FAM114A1: variants seen among roughly 807,000 people sequenced by gnomAD.
The protein encoded by FAM114A1 is family with sequence similarity 114 member A1.
In FAM114A1, 62 loss-of-function variants were observed where a neutral mutation model predicts 64.3. The ratio of observed to expected loss-of-function variants is 0.96; its 90% CI spans 0.79 to 1.19. The LOEUF is 1.19. FAM114A1 is among the 50% of genes most tolerant of loss of function. The pLI is 0.00. For synonymous variants in FAM114A1, 254 were observed against 251.1 expected, an observed-to-expected ratio of 1.01 and a Z score of -0.11; for missense variants, 645 against 676.3, an observed-to-expected ratio of 0.95 and a Z score of 0.51.
rs749204163 is a variant in FAM114A1 at position 38,944,068 on chromosome 4, C to CTTT, written c.*528_*530dup. ...TAAAAAATAGGAACATATTGTCATT[C>CTTT]TTTTTTTTTTTTTTTTTTTGAGACA... On this transcript the variant is annotated 3_prime_UTR_variant, in exon 15 of 15. Coordinates refer to ENST00000358869, the MANE Select transcript of FAM114A1 (RefSeq NM_138389.4). The CTTT allele has an allele frequency of 0.016, 1,936 of 122,128 alleles. 45 individuals carry two copies. Among genetic ancestry groups the CTTT allele is most frequent in the Non-Finnish European group, 0.018 (1,094 of 59,880 alleles). 7.6% of individuals were successfully genotyped at this position (122,128 alleles called of 1,614,324 possible). A position where few individuals can be genotyped will look rare whatever the true frequency, so the allele number is the denominator to read the frequency against.
At chr4:38,886,785 G>A (rs1273059724) in intron 3 of FAM114A1, among the ~76,000 whole-genome samples, 2 of 151,706 alleles carry the variant, frequency 1.3e-5, no homozygotes, top group African/African-American at 2.4e-5. Context: ...AAAATTAGCC[G>A]GGCATGGTGG....
intron 4 of FAM114A1, among the ~76,000 whole-genome samples, chr4:38,900,225 T>TAA (rs34215730): frequency 6.1e-5 from 9 of 146,934 alleles, no homozygotes; most frequent in African/African-American, 1.7e-4. Flanking sequence ...ACGATTATTT[T>TAA]AAAAAAAAAA....
intron 8 of FAM114A1, among the ~76,000 whole-genome samples, chr4:38,916,046 G>A (rs551383567): frequency 1.3e-5 from 2 of 152,244 alleles, no homozygotes; most frequent in Middle Eastern, 3.4e-3. Context: ...CCTTAGAATG[G>A]AGAAGTAGTT....
chr4:38,892,202 G>C (rs143188032), intron 4 of FAM114A1, among the ~76,000 whole-genome samples: 128 of 152,242 alleles, frequency 8.4e-4, no homozygotes, highest in African/African-American at 2.9e-3. Context: ...CGTCCCACTT[G>C]AATTTTTTTA....
chr4:38,911,844 C>CTT (rs771972308), intron 7 of FAM114A1, among the ~76,000 whole-genome samples: 4 of 115,188 alleles, frequency 3.5e-5, no homozygotes, highest in African/African-American at 6.5e-5. Flanking sequence ...TTTTTTTTTT[C>CTT]TTTTTTTTTC....
chr4:38,926,979 C>T (rs539903134), intron 9 of FAM114A1, among the ~76,000 whole-genome samples: 6 of 152,306 alleles, frequency 3.9e-5, no homozygotes, highest in Admixed American at 6.5e-5. Context: ...GTTGTGGCTT[C>T]GTCATGAGCA....
chr4:38,886,667 C>T (rs1715841367), intron 3 of FAM114A1, among the ~76,000 whole-genome samples: 1 of 151,700 alleles, frequency 6.6e-6, no homozygotes, highest in Admixed American at 6.6e-5. Context: ...GTGGCTCACA[C>T]CTGTAATTCC....
chr4:38,912,582 T>C (rs1034561963), intron 7 of FAM114A1, among the ~76,000 whole-genome samples: 6 of 151,742 alleles, frequency 4.0e-5, no homozygotes, highest in Non-Finnish European at 7.4e-5. Flanking sequence ...CAGGGTTTCA[T>C]CATATTGGCC....
At chr4:38,927,841 G>T (rs991410811) in intron 9 of FAM114A1, among the ~76,000 whole-genome samples, 2 of 151,978 alleles carry the variant, frequency 1.3e-5, no homozygotes, top group Non-Finnish European at 2.9e-5. Context: ...CCGCCTCCGC[G>T]CCCGGTTAAT....
chr4:38,908,803 C>T (rs1718271757), intron 7 of FAM114A1, 77 bp downstream of exon 7: 1 of 1,344,742 alleles, frequency 7.4e-7, no homozygotes, highest in Non-Finnish European at 1.0e-6. Context: ...TTTTGAATAG[C>T]TCATTTAAAG....
At chr4:38,942,796 G>C (rs1438733947) in intron 14 of FAM114A1, among the ~76,000 whole-genome samples, 1 of 152,160 alleles carries the variant, frequency 6.6e-6, no homozygotes, top group African/African-American at 2.4e-5. Flanking sequence ...GGCAAACTGA[G>C]CTCCTTCATA....
chr4:38,889,695 T>C (rs1478071506), intron 3 of FAM114A1, among the ~76,000 whole-genome samples: 1 of 152,188 alleles, frequency 6.6e-6, no homozygotes, highest in Non-Finnish European at 1.5e-5. Context: ...CCCAAGCAAT[T>C]TAACTTCCAT....
intron 7 of FAM114A1, among the ~76,000 whole-genome samples, chr4:38,911,894 C>T (rs1454933748): frequency 2.3e-5 from 3 of 131,962 alleles, no homozygotes; most frequent in Non-Finnish European, 4.6e-5. Context: ...AGAGCCCTCA[C>T]TCTGTCGCCC....
At chr4:38,874,053 C>A (rs927803502) in intron 2 of FAM114A1, among the ~76,000 whole-genome samples, 3 of 152,118 alleles carry the variant, frequency 2.0e-5, no homozygotes, top group Admixed American at 6.5e-5. Context: ...CAATAAAGAG[C>A]CTCTAGGATT....
chr4:38,911,213 G>A lies in FAM114A1; in HGVS notation c.792+2487G>A, dbSNP rs145360416. Reference sequence around the variant, plus strand: ...AGGATGCCGGTCCCACCCCAGTGAAGAGAAGAGGGTGAGAAAAATGGGTGA... The same window carrying A: ...AGGATGCCGGTCCCACCCCAGTGAAAAGAAGAGGGTGAGAAAAATGGGTGA... On this transcript the variant is annotated intron_variant, in intron 7 of 14. Coordinates refer to ENST00000358869, the MANE Select transcript of FAM114A1 (RefSeq NM_138389.4). 2.6e-3 allele frequency among the ~76,000 whole-genome samples: 395 copies of A among 152,342 alleles called. 4 individuals are homozygous for A. Among genetic ancestry groups the A allele is most frequent in the African/African-American group, 9.1e-3 (378 of 41,566 alleles).
At chr4:38,883,212 CATT>C (rs1012263945) in intron 3 of FAM114A1, among the ~76,000 whole-genome samples, 7 of 152,114 alleles carry the variant, frequency 4.6e-5, no homozygotes, top group Admixed American at 6.5e-5. Flanking sequence ...TTGGGGGAAA[CATT>C]GTTGTATGAG....
At chr4:38,887,941 C>G (rs1040274542) in intron 3 of FAM114A1, among the ~76,000 whole-genome samples, 2 of 152,108 alleles carry the variant, frequency 1.3e-5, no homozygotes, top group Admixed American at 1.3e-4. Context: ...TTACAAAACT[C>G]ACAGGTTTCA....
intron 6 of FAM114A1, among the ~76,000 whole-genome samples, chr4:38,907,062 G>A (rs1718078504): frequency 6.6e-6 from 1 of 152,168 alleles, no homozygotes; most frequent in Non-Finnish European, 1.5e-5. Context: ...GAAGAGGTGA[G>A]GGCTGCGGTC....
Position 38,908,717 on chromosome 4 carries a change from C to A in FAM114A1, c.783C>A (p.Ser261=). 6.2e-7 allele frequency: 1 copy of A among 1,601,048 alleles called. No individual in the cohort carries two copies. Reference sequence around the variant, plus strand: ...AGACGCTCATGGAGAGAACTGTTTCCTTGTCTCAGGTTGGATTATATACGT... The same window carrying A: ...AGACGCTCATGGAGAGAACTGTTTCATTGTCTCAGGTTGGATTATATACGT... ...RTKTLMERTV[S]LSQMLREAKE... is the part of the protein sequence containing the mutation. The change falls in exon 7 of 15, where the codon TCC becomes TCA. Residue 261 remains serine (S), a synonymous_variant. Transcript: ENST00000358869.
Sources: allele counts gnomAD v4.1 joint callset (sites outside exome capture counted in the v4.1 genomes callset), GRCh38; gene constraint gnomAD v4.1.1; transcripts MANE v1.5; gene names NCBI Gene and HGNC (gene_info 2026-07-23, HGNC 2026-07-21).